Variants in MDH1 observed in about 807,000 individuals in gnomAD.
MDH1 encodes malate dehydrogenase 1.
In MDH1, 15 loss-of-function variants were observed where a neutral mutation model predicts 38.7. The ratio of observed to expected loss-of-function variants is 0.39; its 90% CI spans 0.26 to 0.60. The LOEUF (loss-of-function observed/expected upper bound fraction) is 0.60, where lower values mean the gene tolerates loss of function less well. MDH1 is among the 20% of genes least tolerant of loss of function. The probability of loss-of-function intolerance (pLI) is 0.56; values close to 1 mark genes in which losing one functional copy is unlikely to be tolerated. For missense variants in MDH1, 368 were observed against 405.2 expected, an observed-to-expected ratio of 0.91 and a Z score of 0.79; for synonymous variants, 144 against 143.6, an observed-to-expected ratio of 1.00 and a Z score of -0.02.
rs1709542128 is a variant in MDH1, at chr2:63,606,876, G to C, written c.894G>C (p.Lys298Asn). 1.9e-6 allele frequency: 3 copies of C among 1,610,928 alleles called. No individual in the cohort carries two copies. Among genetic ancestry groups the C allele is most frequent in the Non-Finnish European group, 2.5e-6 (3 of 1,178,166 alleles). ...FPVVIKNKTW[K>N]FVEGLPINDF... ...TTTTCAAACAGAATAAGACCTGGAA[G>C]TTTGTTGAAGGTCTCCCTATTAATG... is the stretch of plus-strand genomic sequence containing the variant. The change falls in exon 9 of 9, where the codon AAG becomes AAC. Residue 298 changes from lysine to asparagine, a missense_variant. Transcript: ENST00000233114.
intron 5 of MDH1, among the ~76,000 whole-genome samples, chr2:63,601,608 T>G (rs1396046756): frequency 6.6e-6 from 1 of 152,214 alleles, no homozygotes; most frequent in Non-Finnish European, 1.5e-5. Context: ...ATTAAGAAAC[T>G]ATATCTGCTG....
chr2:63,601,484 G>A (rs1296010868), intron 5 of MDH1, among the ~76,000 whole-genome samples: 1 of 152,198 alleles, frequency 6.6e-6, no homozygotes, highest in Non-Finnish European at 1.5e-5. Context: ...ACTAGGGCTG[G>A]AGAATTAATC....
At chr2:63,601,640 G>C (rs1709420667) in intron 5 of MDH1, among the ~76,000 whole-genome samples, 1 of 152,156 alleles carries the variant, frequency 6.6e-6, no homozygotes, top group Non-Finnish European at 1.5e-5. Flanking sequence ...CCTGGCCTTT[G>C]CTGTCCAGAC....
intron 1 of MDH1, among the ~76,000 whole-genome samples, chr2:63,591,599 C>G (rs575320929): frequency 3.3e-5 from 5 of 152,162 alleles, no homozygotes; most frequent in Non-Finnish European, 7.4e-5. Flanking sequence ...CTCTTCAGCC[C>G]CCCTTTTCTT....
rs1709522290 is a variant in MDH1, at chr2:63,606,025, C to G, written c.876C>G (p.Ile292Met). ...TGCTCTACTCATTCCCTGTTGTAAT[C>G]AAGGTAAGGTATTTTGGAGCTATTT... ...DDLLYSFPVV[I>M]KNKTWKFVEG... Residue 292 changes from isoleucine (I) to methionine (M), a missense_variant, in exon 8 of 9, where the codon ATC (isoleucine) becomes ATG (methionine). Transcript: ENST00000233114. The G allele has an allele frequency of 2.5e-6, 4 of 1,613,178 alleles. No homozygotes were observed. Among genetic ancestry groups the G allele is most frequent in the South Asian group, 2.2e-5 (2 of 91,058 alleles).
At chr2:63,594,374 T>C in intron 1 of MDH1, 114 bp from the exon 2 acceptor site, 2 of 878,476 alleles carry the variant, frequency 2.3e-6, no homozygotes, top group Non-Finnish European at 3.9e-6. Flanking sequence ...AAAAGGACTT[T>C]AAAATTTTAC....
At chr2:63,599,063 C>T in intron 4 of MDH1, 107 bp from the exon 5 acceptor site, 1 of 1,038,576 alleles carries the variant, frequency 9.6e-7, no homozygotes, top group East Asian at 2.7e-5. Context: ...TTTCCCAAGC[C>T]TCCCCTGTAC....
At chr2:63,606,761 C>A in intron 8 of MDH1, 101 bp from the exon 9 acceptor site, 2 of 759,702 alleles carry the variant, frequency 2.6e-6, no homozygotes, top group Non-Finnish European at 3.8e-6. Context: ...TAGAATCAGA[C>A]TTTAAAACGA....
chr2:63,590,877 T>G (rs1353379197), intron 1 of MDH1: 4 of 152,218 alleles, frequency 2.6e-5, no homozygotes, highest in African/African-American at 7.2e-5. Context: ...GAAAAGAGCC[T>G]TCTTCTGTAA....
At chr2:63,601,424 T>C (rs1709416114) in intron 5 of MDH1, among the ~76,000 whole-genome samples, 1 of 152,220 alleles carries the variant, frequency 6.6e-6, no homozygotes, top group Non-Finnish European at 1.5e-5. Context: ...TTGACATTGA[T>C]ACCAGATAAG....
chr2:63,592,647 G>A (rs983709152), intron 1 of MDH1, among the ~76,000 whole-genome samples: 1 of 152,210 alleles, frequency 6.6e-6, no homozygotes, highest in South Asian at 2.1e-4. Flanking sequence ...ACTGCACTCA[G>A]CCTGAAATAG....
At chr2:63,599,321 G>T (rs1267636723) in intron 5 of MDH1, 29 bp downstream of exon 5, 1 of 1,592,406 alleles carries the variant, frequency 6.3e-7, no homozygotes, top group African/African-American at 1.4e-5. Flanking sequence ...AAATCTTGTG[G>T]TTGTTCAACT....
chr2:63,595,605 T>C lies in MDH1; in HGVS notation c.199+86T>C. 3.9e-6 allele frequency: 3 copies of C among 777,928 alleles called. 1 individual carries two copies. The highest frequency in any genetic ancestry group is 3.2e-5 in the South Asian group (2 of 63,206). The allele number at this position is 777,928 out of a possible 1,614,324, so 48.2% of individuals were successfully genotyped here. A position where few individuals can be genotyped will look rare whatever the true frequency, so the allele number is the denominator to read the frequency against. ...TAGGTTTTTGTTAAAGGCTCTCAAT[T>C]AGAAATTATTTCATAAGAGGATTTT... On this transcript the variant is annotated intron_variant, in intron 3 of 8. Transcript: ENST00000233114.
chr2:63,599,482 G>T, intron 5 of MDH1, 190 bp downstream of exon 5: 1 of 455,494 alleles, frequency 2.2e-6, no homozygotes, highest in Non-Finnish European at 3.7e-6. Context: ...TCTCTTAAAG[G>T]ACCAGAGGCT....
At chr2:63,594,997 A>G (rs1204319580) in intron 2 of MDH1, 2 of 268,606 alleles carry the variant, frequency 7.4e-6, no homozygotes, top group Admixed American at 5.1e-5. Context: ...AAGCCTGATT[A>G]ATATACACTA....
chr2:63,597,482 G>C lies in MDH1; in HGVS notation c.283G>C (p.Gly95Arg), dbSNP rs751353883. The C allele has an allele frequency of 1.3e-6, 2 of 1,524,300 alleles. No homozygotes were observed. Among genetic ancestry groups the C allele is most frequent in the Non-Finnish European group, 1.8e-6 (2 of 1,129,452 alleles). 94.4% of individuals were successfully genotyped at this position (1,524,300 alleles called of 1,614,324 possible). A position where few individuals can be genotyped will look rare whatever the true frequency, so the allele number is the denominator to read the frequency against. ...ILVGSMPRRE[G>R]MERKDLLKAN... ...TGTGGGCTCCATGCCAAGAAGGGAA[G>C]GCATGGAGAGAAAAGATTTACTGAA... The change falls in exon 4 of 9, where the codon GGC becomes CGC. Residue 95 changes from glycine to arginine, a missense_variant. By Grantham distance (125) the Gly-to-Arg change is moderately radical. Coordinates refer to ENST00000233114, the MANE Select transcript of MDH1 (RefSeq NM_005917.4).
chr2:63,594,897 G>T, intron 2 of MDH1: 1 of 282,098 alleles, frequency 3.5e-6, no homozygotes. Context: ...GAGTTACTCA[G>T]TAAGCACTCC....
chr2:63,596,619 A>C (rs1709316452), intron 3 of MDH1, among the ~76,000 whole-genome samples: 1 of 152,100 alleles, frequency 6.6e-6, no homozygotes, highest in South Asian at 2.1e-4. Flanking sequence ...TTTTTTCTCC[A>C]ACTGGTGTTC....
rs1375462487 is a variant in MDH1, at chr2:63,594,355, G to A, written c.4-133G>A. 1.4e-5 allele frequency: 11 copies of A among 775,618 alleles called. No homozygotes were observed. In the South Asian group the frequency reaches 1.5e-4, roughly 10 times the overall value. 48.0% of individuals were successfully genotyped at this position (775,618 alleles called of 1,614,324 possible). A position where few individuals can be genotyped will look rare whatever the true frequency, so the allele number is the denominator to read the frequency against. Reference sequence around the variant, plus strand: ...ATGCAGCACATTCATTTTCTACTGAGCCAGATGCAAAAGGACTTTAAAATT... The same window carrying A: ...ATGCAGCACATTCATTTTCTACTGAACCAGATGCAAAAGGACTTTAAAATT... On this transcript the variant is annotated intron_variant, in intron 1 of 8. Coordinates refer to ENST00000233114, the MANE Select transcript of MDH1 (RefSeq NM_005917.4).
Sources: allele counts gnomAD v4.1 joint callset (sites outside exome capture counted in the v4.1 genomes callset), GRCh38; gene constraint gnomAD v4.1.1; transcripts MANE v1.5; gene names NCBI Gene and HGNC (gene_info 2026-07-23, HGNC 2026-07-21).